MIOS: variants seen among roughly 807,000 people sequenced by gnomAD.
MIOS encodes GATOR2 complex protein MIOS.
MIOS carries 52 observed loss-of-function variants against 96.9 expected under a neutral mutation model. The observed-to-expected ratio is 0.54, with a 90% confidence interval of 0.43 to 0.68. The LOEUF (loss-of-function observed/expected upper bound fraction) is 0.68. MIOS is among the 30% of genes least tolerant of loss of function. The pLI is 0.00. For synonymous variants in MIOS, 397 were observed against 359.5 expected (o/e 1.10, Z -1.18); for missense variants, 1,005 against 1,052.8 (o/e 0.95, Z 0.63).
At chr7:7,600,824 A>T (rs1265918640) in intron 11 of MIOS, among the ~76,000 whole-genome samples, 4 of 152,222 alleles carry the variant, frequency 2.6e-5, no homozygotes, top group East Asian at 1.9e-4. Flanking sequence ...GAAGTAAAGC[A>T]CTCCTCAGCA....
intron 3 of MIOS, among the ~76,000 whole-genome samples, chr7:7,568,876 G>A (rs1783247921): frequency 6.6e-6 from 1 of 152,180 alleles, no homozygotes; most frequent in African/African-American, 2.4e-5. Flanking sequence ...GATGGCAATA[G>A]AAGTATTTTA....
At chr7:7,589,585 C>T (rs1224856265) in intron 9 of MIOS, 22 bp downstream of exon 9, 1 of 1,555,964 alleles carries the variant, frequency 6.4e-7, no homozygotes, top group Non-Finnish European at 8.7e-7. Flanking sequence ...TTGACAGCAG[C>T]TTTTAAAAAA....
rs1563012757 is a variant in MIOS, at chr7:7,572,473, A to C, written c.-3A>C. 5 of 1,607,732 alleles carry C rather than the reference A, an allele frequency of 3.1e-6. No individual in the cohort carries two copies. The highest frequency in any genetic ancestry group is 4.3e-6 in the Non-Finnish European group (5 of 1,175,352). On this transcript the variant is annotated 5_prime_UTR_variant, in exon 4 of 13. Coordinates refer to ENST00000340080, the MANE Select transcript of MIOS (RefSeq NM_019005.4). The surrounding 1 kb of genome is among the most constrained non-coding windows in gnomAD (Gnocchi z 4.8). The stretch of plus-strand genomic sequence containing the variant: ...AGTGGACCCTTTGATCACATCAGTA[A>C]ACATGAGCGGTACCAAACCTGATAT...
In MIOS at chr7:7,573,126, C is replaced by T. The variant is rs1783410163; in HGVS notation, c.651C>T (p.Ser217=). 1 of 1,613,996 alleles carries T rather than the reference C, an allele frequency of 6.2e-7. No individual in the cohort carries two copies. The highest frequency in any genetic ancestry group is 8.5e-7 in the Non-Finnish European group (1 of 1,179,936). ...CTATATTTGATCTTCGGAATACAAG[C>T]CAAAAGATGTTCGTAAATACAAAAG... The part of the protein sequence containing the change: ...NLAIFDLRNT[S]QKMFVNTKAV... Residue 217 remains serine (S), a synonymous_variant, in exon 4 of 13, where the codon AGC becomes AGT. Coordinates refer to ENST00000340080, the MANE Select transcript of MIOS (RefSeq NM_019005.4). The surrounding 1 kb of genome is among the most constrained non-coding windows in gnomAD (Gnocchi z 5.0).
At chr7:7,591,874 T>C (rs1199464371) in intron 9 of MIOS, among the ~76,000 whole-genome samples, 1 of 152,208 alleles carries the variant, frequency 6.6e-6, no homozygotes, top group Non-Finnish European at 1.5e-5. Context: ...GTTTTTCTTC[T>C]AGGACTCTTA....
intron 5 of MIOS, among the ~76,000 whole-genome samples, chr7:7,578,544 G>A (rs565136266): frequency 9.2e-5 from 14 of 152,156 alleles, no homozygotes; most frequent in Admixed American, 2.6e-4. Flanking sequence ...CTAGAGAACT[G>A]AGAATTTGTC....
Position 7,573,656 on chromosome 7 carries a change from T to C in MIOS, c.1181T>C (p.Met394Thr). ...NSLEKDIATK[M>T]RLRALSRYGL... ...TTAGAAAAAGATATAGCAACGAAGATGCGTCTTCGGGCTTTATCAAGGTAT... is the reference window on the plus strand; with the variant it reads ...TTAGAAAAAGATATAGCAACGAAGACGCGTCTTCGGGCTTTATCAAGGTAT... The change falls in exon 4 of 13, where the codon ATG (methionine) becomes ACG (threonine). Residue 394 changes from methionine (M) to threonine (T), a missense_variant. By Grantham distance (81) the Met-to-Thr change is moderately conservative. Coordinates refer to ENST00000340080, the MANE Select transcript of MIOS (RefSeq NM_019005.4). The surrounding 1 kb of genome is among the most constrained non-coding windows in gnomAD (Gnocchi z 5.0). The C allele has an allele frequency of 6.2e-7, 1 of 1,613,978 alleles. No homozygotes were observed. The highest frequency in any genetic ancestry group is 2.2e-5 in the East Asian group (1 of 44,878).
chr7:7,572,333 G>C lies in MIOS; in HGVS notation c.-40-103G>C. 1.9e-6 allele frequency: 1 copy of C among 518,510 alleles called. No homozygotes were observed. Among genetic ancestry groups the C allele is most frequent in the Non-Finnish European group, 3.3e-6 (1 of 299,436 alleles). The allele number at this position is 518,510 out of a possible 1,614,324, so 32.1% of individuals were successfully genotyped here. A position where few individuals can be genotyped will look rare whatever the true frequency, so the allele number is the denominator to read the frequency against. On this transcript the variant is annotated intron_variant, in intron 3 of 12. Transcript: ENST00000340080. This position sits in a 1 kb window ranked among gnomAD's most constrained non-coding sequence, Gnocchi z 4.8. ...AGAAATACAAATATATTGAAAAAGA[G>C]GGTTCTTGAATAGAGAATTTTCTGA...
intron 6 of MIOS, among the ~76,000 whole-genome samples, chr7:7,584,806 G>A (rs775414994): frequency 2.0e-4 from 30 of 152,266 alleles, no homozygotes; most frequent in Non-Finnish European, 3.7e-4. Flanking sequence ...CTGAACTTCG[G>A]TTAGAAGACT....
chr7:7,590,979 A>G (rs1358458036), intron 9 of MIOS, among the ~76,000 whole-genome samples: 1 of 152,204 alleles, frequency 6.6e-6, no homozygotes, highest in Non-Finnish European at 1.5e-5. Context: ...CAGATATTAT[A>G]TACTCCAACT....
chr7:7,572,907 A>G lies in MIOS; in HGVS notation c.432A>G (p.Ile144Met), dbSNP rs746471999. The change falls in exon 4 of 13, where the codon ATA (isoleucine) becomes ATG (methionine). Residue 144 changes from isoleucine (I) to methionine (M), a missense_variant. This residue lies in a region of MIOS where 865 missense variants were observed against 887.9 expected (regional missense o/e 0.97). Coordinates refer to ENST00000340080, the MANE Select transcript of MIOS (RefSeq NM_019005.4). This position sits in a 1 kb window ranked among gnomAD's most constrained non-coding sequence, Gnocchi z 4.8. ...DKHRADFSVL[I>M]WDICSKYTPD... ...ACAGAGCTGACTTTTCAGTGCTAATATGGGATATCTGCAGCAAATATACTC... is the reference window on the plus strand; with the variant it reads ...ACAGAGCTGACTTTTCAGTGCTAATGTGGGATATCTGCAGCAAATATACTC... 69 of 1,614,174 alleles carry G rather than the reference A, an allele frequency of 4.3e-5. No individual in the cohort carries two copies. Among genetic ancestry groups the G allele is most frequent in the East Asian group, 1.3e-4 (6 of 44,884 alleles).
At chr7:7,583,915 G>A (rs1671254308) in intron 6 of MIOS, among the ~76,000 whole-genome samples, 1 of 152,022 alleles carries the variant, frequency 6.6e-6, no homozygotes, top group Non-Finnish European at 1.5e-5. Context: ...TTTTTAAAAA[G>A]AAAGAGATAA....
At chr7:7,576,662 G>A (rs1783543756) in intron 5 of MIOS, among the ~76,000 whole-genome samples, 1 of 152,174 alleles carries the variant, frequency 6.6e-6, no homozygotes, top group African/African-American at 2.4e-5. Flanking sequence ...AGAATTTAGG[G>A]AGATTCATCT....
rs780198617 is a variant in MIOS at position 7,573,541 on chromosome 7, A to G, written c.1066A>G (p.Ile356Val). 4 of 1,614,104 alleles carry G rather than the reference A, an allele frequency of 2.5e-6. No individual in the cohort carries two copies. Among genetic ancestry groups the G allele is most frequent in the Non-Finnish European group, 1.7e-6 (2 of 1,179,950 alleles). The change falls in exon 4 of 13, where the codon ATA becomes GTA. Residue 356 changes from isoleucine (I) to valine (V), a missense_variant. By Grantham distance (29) the Ile-to-Val change is conservative. Coordinates refer to ENST00000340080, the MANE Select transcript of MIOS (RefSeq NM_019005.4). This position sits in a 1 kb window ranked among gnomAD's most constrained non-coding sequence, Gnocchi z 5.0. ...GTCAGACTTCACTGTTTTTGAAAGG[A>G]TATCTCTTGCCTGGAGCCCAATTAC... Reference protein sequence around the residue: ...TMSDFTVFERISLAWSPITSL... With the variant: ...TMSDFTVFERVSLAWSPITSL...
At chr7:7,576,942 A>G (rs760489394) in intron 5 of MIOS, among the ~76,000 whole-genome samples, 5 of 152,198 alleles carry the variant, frequency 3.3e-5, no homozygotes, top group Non-Finnish European at 5.9e-5. Flanking sequence ...AATTTTAAGT[A>G]TGTTAATTAG....
chr7:7,566,966 G>C lies in MIOS; in HGVS notation c.-327G>C, dbSNP rs1007593564. The C allele has an allele frequency of 3.3e-5, 5 of 152,220 alleles. No individual in the cohort carries two copies. Among genetic ancestry groups the C allele is most frequent in the African/African-American group, 4.8e-5 (2 of 41,560 alleles). The allele number at this position is 152,220 out of a possible 1,614,324, so 9.4% of individuals were successfully genotyped here. A position where few individuals can be genotyped will look rare whatever the true frequency, so the allele number is the denominator to read the frequency against. Reference sequence around the variant, plus strand: ...GTCCCAGCCCAGTGGTCCAGGTCACGGGCCGCACGGCCGCGGCCGCCATCT... The same window carrying C: ...GTCCCAGCCCAGTGGTCCAGGTCACCGGCCGCACGGCCGCGGCCGCCATCT... On this transcript the variant is annotated 5_prime_UTR_variant, in exon 1 of 13. Transcript: ENST00000340080.
At position 7,572,682 on chromosome 7, in the gene MIOS, T is replaced by C. The variant is rs1280788986; in HGVS notation, c.207T>C (p.Tyr69=). ...DTPYMKCVAW[Y]LNYDPECLLA... is the part of the protein sequence containing the mutation. ...CCTATATGAAATGTGTTGCCTGGTA[T>C]CTTAATTATGATCCTGAATGTCTGC... Residue 69 remains tyrosine (Y), a synonymous_variant, in exon 4 of 13, where the codon TAT becomes TAC. Transcript: ENST00000340080. This position sits in a 1 kb window ranked among gnomAD's most constrained non-coding sequence, Gnocchi z 4.8. 1 of 1,614,206 alleles carries C rather than the reference T, an allele frequency of 6.2e-7. No individual in the cohort carries two copies. The highest frequency in any genetic ancestry group is 1.7e-5 in the Admixed American group (1 of 60,026).
chr7:7,578,976 G>A (rs1783624786), intron 5 of MIOS, among the ~76,000 whole-genome samples: 1 of 152,172 alleles, frequency 6.6e-6, no homozygotes. Flanking sequence ...CTCCCAAAGT[G>A]CTGGGATTAC....
At chr7:7,576,997 A>G (rs549427130) in intron 5 of MIOS, among the ~76,000 whole-genome samples, 1 of 152,338 alleles carries the variant, frequency 6.6e-6, no homozygotes, top group South Asian at 2.1e-4. Context: ...GAGCAAGTTG[A>G]AATCAAGATG....
Sources: gnomAD v4.1 joint callset for allele counts (sites outside exome capture counted in the v4.1 genomes callset) on GRCh38, gnomAD v4.1.1 for gene constraint, gnomAD v4.1.1 regional missense constraint, Gnocchi (gnomAD v3.1) non-coding constraint, MANE v1.5 for transcripts, NCBI Gene and HGNC (gene_info 2026-07-23, HGNC 2026-07-21) for gene names.